Variants in MAP1B observed in about 807,000 individuals in gnomAD.
MAP1B encodes microtubule associated protein 1B, also known as microtubule-associated protein 1B.
MAP1B carries 12 observed loss-of-function variants against 176.1 expected under a neutral mutation model. That is an observed-to-expected ratio of 0.07 (90% CI 0.04 to 0.11). The LOEUF is 0.11. Ranked by LOEUF, MAP1B falls within the 10% of genes least tolerant of loss-of-function variation. The pLI, the probability that MAP1B is intolerant of heterozygous loss-of-function variation, is 1.00. For missense variants in MAP1B, 2,523 were observed against 2,990.5 expected, an observed-to-expected ratio of 0.84 and a Z score of 3.65; for synonymous variants, 1,044 against 1,135.0, an observed-to-expected ratio of 0.92 and a Z score of 1.61.
chr5:72,162,307 C>G (rs2112181382), intron 2 of MAP1B, among the ~76,000 whole-genome samples: 1 of 152,140 alleles, frequency 6.6e-6, no homozygotes, highest in South Asian at 2.1e-4. Context: ...GTCAGTGTGA[C>G]AATTGAAAGA....
chr5:72,154,713 G>T (rs1413091270), intron 2 of MAP1B, among the ~76,000 whole-genome samples: 1 of 152,166 alleles, frequency 6.6e-6, no homozygotes, highest in Non-Finnish European at 1.5e-5. Context: ...TAGAAGCTGT[G>T]TCTTGTTTGC....
At chr5:72,110,067 T>C (rs1745297590) in intron 1 of MAP1B, among the ~76,000 whole-genome samples, 1 of 152,232 alleles carries the variant, frequency 6.6e-6, no homozygotes, top group South Asian at 2.1e-4. Context: ...CTTCTTGACA[T>C]TAATTTTTTA....
In MAP1B at chr5:72,195,866, C is replaced by T. The variant is rs1286133254; in HGVS notation, c.2511C>T (p.Thr837=). The T allele has an allele frequency of 6.2e-7, 1 of 1,614,196 alleles. No individual in the cohort carries two copies. The highest frequency in any genetic ancestry group is 1.1e-5 in the South Asian group (1 of 91,078). The change falls in exon 5 of 7, where the codon ACC becomes ACT. Residue 837 remains threonine, a synonymous_variant. Transcript: ENST00000296755. ...TTATGTCATCTCCTGAGGATCTAAC[C>T]AAGGACTTTGAAGAGTTAAAGGCTG... ...RSLMSSPEDL[T]KDFEELKAEE...
chr5:72,146,961 CTTTTT>C (rs549281263), intron 2 of MAP1B, among the ~76,000 whole-genome samples: 1 of 134,912 alleles, frequency 7.4e-6, no homozygotes, highest in African/African-American at 2.7e-5. Flanking sequence ...TCCAAATCTT[CTTTTT>C]TTTTTTTTTT....
At position 72,207,761 on chromosome 5, in the gene MAP1B, C is replaced by T. The variant is rs1197289060; in HGVS notation, c.*2522C>T. 2 of 152,164 alleles carry T rather than the reference C, an allele frequency of 1.3e-5. No homozygotes were observed. Among genetic ancestry groups the T allele is most frequent in the Non-Finnish European group, 2.9e-5 (2 of 68,030 alleles). 9.4% of individuals were successfully genotyped at this position (152,164 alleles called of 1,614,324 possible). A position where few individuals can be genotyped will look rare whatever the true frequency, so the allele number is the denominator to read the frequency against. On this transcript the variant is annotated 3_prime_UTR_variant, in exon 7 of 7. Transcript: ENST00000296755. Reference sequence around the variant, plus strand: ...TCTACATAATGCGTGGGAAGAAAACCAGATTTTTAGCCTTCTTGCCAAATC... The same window carrying T: ...TCTACATAATGCGTGGGAAGAAAACTAGATTTTTAGCCTTCTTGCCAAATC...
chr5:72,196,159 A>T lies in MAP1B; in HGVS notation c.2804A>T (p.Glu935Val), dbSNP rs1398165018. 2.5e-6 allele frequency: 4 copies of T among 1,613,282 alleles called. No individual in the cohort carries two copies. Among genetic ancestry groups the T allele is most frequent in the Non-Finnish European group, 3.4e-6 (4 of 1,179,956 alleles). Reference sequence around the variant, plus strand: ...GAAGATGAAGGAGCCGGTTTTGAAGAATCTTCAGAGACTGGAGACTATGAA... The same window carrying T: ...GAAGATGAAGGAGCCGGTTTTGAAGTATCTTCAGAGACTGGAGACTATGAA... The part of the protein sequence containing the change: ...KFEDEGAGFE[E>V]SSETGDYEEK... The change falls in exon 5 of 7, where the codon GAA becomes GTA. Residue 935 changes from glutamate to valine, a missense_variant. This residue lies in a region of MAP1B where 1,925 missense variants were observed against 2,126.0 expected (regional missense o/e 0.91). Coordinates refer to ENST00000296755, the MANE Select transcript of MAP1B (RefSeq NM_005909.5). This position sits in a 1 kb window ranked among gnomAD's most constrained non-coding sequence, Gnocchi z 5.3.
rs1463579759 is a variant in MAP1B, at chr5:72,203,689, T to C, written c.7139T>C (p.Val2380Ala). ...GTTGATGTGGAATTTTTCAAGAGAG[T>C]GCGGTCTTCCTACTACGTGGTGAGT... is the stretch of plus-strand genomic sequence containing the variant. ...KNVDVEFFKR[V>A]RSSYYVVSGN... Residue 2380 changes from valine to alanine, a missense_variant, in exon 6 of 7, where the codon GTG (valine) becomes GCG (alanine). Physicochemically the swap from Val to Ala is moderately conservative, Grantham distance 64. Around this residue, in one of 4 missense-constraint regions of MAP1B, gnomAD observed 287 missense variants for 401.5 expected, o/e 0.71. Transcript: ENST00000296755. The C allele has an allele frequency of 6.2e-7, 1 of 1,613,920 alleles. No homozygotes were observed. The highest frequency in any genetic ancestry group is 8.5e-7 in the Non-Finnish European group (1 of 1,179,998).
chr5:72,207,595 G>T lies in MAP1B; in HGVS notation c.*2356G>T. On this transcript the variant is annotated 3_prime_UTR_variant, in exon 7 of 7. Coordinates refer to ENST00000296755, the MANE Select transcript of MAP1B (RefSeq NM_005909.5). ...GGAAAATAACATATTAAGGGTACAA[G>T]AAATTAACACATGATGGAAAAGTCA... is the stretch of plus-strand genomic sequence containing the variant. The T allele has an allele frequency of 6.6e-6, 1 of 152,120 alleles. No homozygotes were observed. Among genetic ancestry groups the T allele is most frequent in the East Asian group, 1.9e-4 (1 of 5,198 alleles). 9.4% of individuals were successfully genotyped at this position (152,120 alleles called of 1,614,324 possible).
chr5:72,122,658 T>TA (rs1745551185), intron 2 of MAP1B, among the ~76,000 whole-genome samples: 1 of 151,038 alleles, frequency 6.6e-6, no homozygotes, highest in Non-Finnish European at 1.5e-5. Flanking sequence ...TTTTTTTTTT[T>TA]AAGAGTGGAA....
At position 72,107,575 on chromosome 5, in the gene MAP1B, G is replaced by A; in HGVS notation, c.44G>A (p.Gly15Asp). The change falls in exon 1 of 7, where the codon GGC becomes GAC. Residue 15 changes from glycine (G) to aspartate (D), a missense_variant. Around this residue, in one of 4 missense-constraint regions of MAP1B, gnomAD observed 307 missense variants for 438.4 expected, o/e 0.70. Transcript: ENST00000296755. Reference sequence around the variant, plus strand: ...GAAGCCACCGAGCCGGAGCCGTCCGGCAGCATCGCCAACCCGGCGGCGTCC... The same window carrying A: ...GAAGCCACCGAGCCGGAGCCGTCCGACAGCATCGCCAACCCGGCGGCGTCC... ...VVEATEPEPS[G>D]SIANPAASTS... is the part of the protein sequence containing the mutation. 1 of 1,589,754 alleles carries A rather than the reference G, an allele frequency of 6.3e-7. No individual in the cohort carries two copies. The highest frequency in any genetic ancestry group is 8.5e-7 in the Non-Finnish European group (1 of 1,174,022).
rs116082637 is a variant in MAP1B at position 72,113,297 on chromosome 5, A to G, written c.185-2401A>G. The stretch of plus-strand genomic sequence containing the variant: ...TAGTAGTGGTTGTGCATTGCTAAGA[A>G]ACAATTTGGGTGGAAATTGCTCTCT... On this transcript the variant is annotated intron_variant, in intron 1 of 6. Coordinates refer to ENST00000296755, the MANE Select transcript of MAP1B (RefSeq NM_005909.5). Among the ~76,000 whole-genome samples the G allele has an allele frequency of 3.2e-3, 491 of 152,324 alleles. 2 individuals are homozygous for G. Among genetic ancestry groups the G allele is most frequent in the Non-Finnish European group, 5.4e-3 (369 of 68,022 alleles).
At chr5:72,174,079 A>G (rs987721637) in intron 2 of MAP1B, among the ~76,000 whole-genome samples, 3 of 152,200 alleles carry the variant, frequency 2.0e-5, no homozygotes, top group Non-Finnish European at 4.4e-5. Flanking sequence ...GCAGTGAGCC[A>G]TGTTTGTACC....
chr5:72,169,218 C>T (rs912443946), intron 2 of MAP1B, among the ~76,000 whole-genome samples: 2 of 152,100 alleles, frequency 1.3e-5, no homozygotes, highest in African/African-American at 2.4e-5. Flanking sequence ...AAATCCAATG[C>T]GCGTGTGAGA....
intron 5 of MAP1B, among the ~76,000 whole-genome samples, chr5:72,202,648 C>A (rs1156601463): frequency 1.3e-5 from 2 of 152,164 alleles, no homozygotes; most frequent in Non-Finnish European, 2.9e-5. Flanking sequence ...CCAACCCAAG[C>A]CCACTTAAGT....
chr5:72,203,056 T>C (rs1247229297), intron 5 of MAP1B, among the ~76,000 whole-genome samples: 1 of 152,210 alleles, frequency 6.6e-6, no homozygotes, highest in Non-Finnish European at 1.5e-5. Flanking sequence ...AACTATTTGC[T>C]AGGTAGAATG....
At chr5:72,179,753 A>G (rs1481403824) in intron 2 of MAP1B, 1 of 985,224 alleles carries the variant, frequency 1.0e-6, no homozygotes, top group Non-Finnish European at 1.2e-6. Flanking sequence ...TTCAAATCCG[A>G]TCCTATAAAA....
At chr5:72,162,599 A>C (rs1428562719) in intron 2 of MAP1B, among the ~76,000 whole-genome samples, 1 of 152,212 alleles carries the variant, frequency 6.6e-6, no homozygotes, top group Non-Finnish European at 1.5e-5. Flanking sequence ...TTTCTAAAAA[A>C]AAATAAAGAT....
Position 72,197,246 on chromosome 5 carries a change from G to A in MAP1B, c.3891G>A (p.Val1297=). Residue 1297 remains valine, a synonymous_variant, in exon 5 of 7, where the codon GTG becomes GTA. Transcript: ENST00000296755. ...CTGCAGAGGCAGAAGTAGCCCCGGT[G>A]TCTCCTGAGGTGACCCAAGAAGTAG... ...KVSAEAEVAP[V]SPEVTQEVVE... 1 of 1,614,230 alleles carries A rather than the reference G, an allele frequency of 6.2e-7. No individual in the cohort carries two copies. The highest frequency in any genetic ancestry group is 8.5e-7 in the Non-Finnish European group (1 of 1,180,044).
At chr5:72,164,619 G>A (rs1395377401) in intron 2 of MAP1B, among the ~76,000 whole-genome samples, 7 of 152,158 alleles carry the variant, frequency 4.6e-5, no homozygotes, top group Non-Finnish European at 1.0e-4. Flanking sequence ...AGTGGCAAAG[G>A]ATCATGGAAA....
Sources: gnomAD v4.1 joint callset for allele counts (sites outside exome capture counted in the v4.1 genomes callset) on GRCh38, gnomAD v4.1.1 for gene constraint, gnomAD v4.1.1 regional missense constraint, Gnocchi (gnomAD v3.1) non-coding constraint, MANE v1.5 for transcripts, NCBI Gene and HGNC (gene_info 2026-07-23, HGNC 2026-07-21) for gene names.